Variants in EYS observed in about 807,000 individuals in gnomAD.
EYS encodes EGF-like photoreceptor maintenance factor, also known as protein eyes shut homolog.
EYS carries 250 observed loss-of-function variants against 282.1 expected under a neutral mutation model. That is an observed-to-expected ratio of 0.89 (90% CI 0.80 to 0.98). EYS has a LOEUF of 0.98. Among genes scored for constraint, EYS ranks in the 50% least tolerant of loss-of-function variants. The pLI is 0.00. For missense variants in EYS, 4,016 were observed against 3,709.0 expected, an observed-to-expected ratio of 1.08 and a Z score of -2.15; for synonymous variants, 1,355 against 1,282.9, an observed-to-expected ratio of 1.06 and a Z score of -1.20.
chr6:65,206,488 C>G (rs2150249196), intron 12 of EYS, among the ~76,000 whole-genome samples: 1 of 151,696 alleles, frequency 6.6e-6, no homozygotes, highest in East Asian at 1.9e-4. Context: ...CTTACTGCAA[C>G]TATTCCAAAA....
chr6:63,788,106 T>C lies in EYS; in HGVS notation c.7722A>G (p.Gln2574=), dbSNP rs1340442808. 1.3e-6 allele frequency: 2 copies of C among 1,533,988 alleles called. No homozygotes were observed. The highest frequency in any genetic ancestry group is 2.5e-5 in the East Asian group (1 of 40,638). Reference sequence around the variant, plus strand: ...ATATAAAAAATGTCCATGCCTTACCTTGAAAACCATTTTTAAAATCTGCTC... The same window carrying C: ...ATATAAAAAATGTCCATGCCTTACCCTGAAAACCATTTTTAAAATCTGCTC... The part of the protein sequence containing the change: ...PNGADFKNGF[Q]GCIFTLQVRT... The change falls in exon 39 of 43, where the codon CAA becomes CAG. Residue 2574 remains glutamine (Q), a splice_region_variant and synonymous_variant. Coordinates refer to ENST00000503581, the MANE Select transcript of EYS (RefSeq NM_001142800.2).
At position 65,523,095 on chromosome 6, in the gene EYS, T is replaced by C. The variant is rs151321865; in HGVS notation, c.-332-27102A>G. On this transcript the variant is annotated intron_variant, in intron 2 of 42. Coordinates refer to ENST00000503581, the MANE Select transcript of EYS (RefSeq NM_001142800.2). The stretch of plus-strand genomic sequence containing the variant: ...TAAAAAAACACTTGTTGTCATGACA[T>C]GCAAACCCCAAGAGCAGGCCTGTTA... Among the ~76,000 whole-genome samples, 95 of 152,290 alleles carry C rather than the reference T, an allele frequency of 6.2e-4. 1 individual carries two copies. In the South Asian group the frequency reaches 0.015, roughly 24 times the overall value.
At chr6:64,448,041 G>A (rs781235676) in intron 26 of EYS, among the ~76,000 whole-genome samples, 1 of 152,232 alleles carries the variant, frequency 6.6e-6, no homozygotes, top group Non-Finnish European at 1.5e-5. Flanking sequence ...CCGTGCGTGA[G>A]CCTAAGCAGG....
chr6:64,250,887 C>A (rs1167066374), intron 30 of EYS, among the ~76,000 whole-genome samples: 1 of 151,938 alleles, frequency 6.6e-6, no homozygotes, highest in African/African-American at 2.4e-5. Context: ...TTATGCAAAT[C>A]CTGGAATAAA....
At chr6:64,154,133 C>T (rs1470386521) in intron 31 of EYS, among the ~76,000 whole-genome samples, 1 of 151,904 alleles carries the variant, frequency 6.6e-6, no homozygotes, top group Non-Finnish European at 1.5e-5. Context: ...TGGGTACCTC[C>T]AGGAAAGAGG....
At chr6:64,429,438 C>A (rs972495148) in intron 28 of EYS, among the ~76,000 whole-genome samples, 8 of 152,070 alleles carry the variant, frequency 5.3e-5, no homozygotes. Context: ...CGAGACCAGG[C>A]TGGCCAACAT....
chr6:63,841,966 T>A (rs1216771114), intron 36 of EYS, among the ~76,000 whole-genome samples: 1 of 152,212 alleles, frequency 6.6e-6, no homozygotes, highest in Non-Finnish European at 1.5e-5. Context: ...CTGCATAGTA[T>A]TCCATGTATA....
chr6:64,827,309 T>G (rs1374095797), intron 19 of EYS, among the ~76,000 whole-genome samples: 1 of 151,886 alleles, frequency 6.6e-6, no homozygotes, highest in African/African-American at 2.4e-5. Context: ...ATATTCCTTT[T>G]GATATCTCCC....
Position 65,405,163 on chromosome 6 carries a change from T to C in EYS, c.1056+11A>G, listed in dbSNP as rs201004766. ...TAAAACCACTCACTTATATGTTAGA[T>C]TGAGACTTACATTTGATATTTTGAT... On this transcript the variant is annotated intron_variant, in intron 6 of 42. Transcript: ENST00000503581. 738 of 1,600,452 alleles carry C rather than the reference T, an allele frequency of 4.6e-4. No homozygotes were observed. The highest frequency in any genetic ancestry group is 5.5e-4 in the Non-Finnish European group (645 of 1,168,100).
chr6:64,295,511 A>AAGAAAG lies in EYS; in HGVS notation c.6191+11458_6191+11459insCTTTCT, dbSNP rs1316099456. Among the ~76,000 whole-genome samples, 18 of 28,776 alleles carry AAGAAAG rather than the reference A, an allele frequency of 6.3e-4. 5 individuals carry two copies. Among genetic ancestry groups the AAGAAAG allele is most frequent in the African/African-American group, 4.7e-3 (16 of 3,438 alleles). 18.9% of individuals were successfully genotyped at this position (28,776 alleles called of 152,430 possible). ...AGAAGAAGAAGAAAGAAGAAAGAAG[A>AAGAAAG]AAGAAGAAAGAAGAAAGAAGAAGAA... is the stretch of plus-strand genomic sequence containing the variant. On this transcript the variant is annotated intron_variant, in intron 30 of 42. Coordinates refer to ENST00000503581, the MANE Select transcript of EYS (RefSeq NM_001142800.2).
intron 29 of EYS, among the ~76,000 whole-genome samples, chr6:64,365,498 C>T (rs764091125): frequency 6.6e-5 from 10 of 151,880 alleles, no homozygotes; most frequent in Non-Finnish European, 1.2e-4. Flanking sequence ...AGTAAGACAA[C>T]GTATAAGAGC....
intron 18 of EYS, among the ~76,000 whole-genome samples, chr6:64,894,876 GT>G (rs1028728196): frequency 1.3e-5 from 2 of 150,624 alleles, no homozygotes; most frequent in East Asian, 1.9e-4. Context: ...CTTTGATTTT[GT>G]TTTTTTTTAC....
intron 33 of EYS, among the ~76,000 whole-genome samples, chr6:64,026,044 G>C (rs1360128077): frequency 6.6e-6 from 1 of 152,156 alleles, no homozygotes; most frequent in Non-Finnish European, 1.5e-5. Context: ...AACCTTCCTT[G>C]GTCCTCCATG....
rs12523868 is a variant in EYS, at chr6:65,313,594, A to C, written c.1767-17475T>G. On this transcript the variant is annotated intron_variant, in intron 11 of 42. Coordinates refer to ENST00000503581, the MANE Select transcript of EYS (RefSeq NM_001142800.2). ...CATTTCTGACTCCTCTGTTATTCTC[A>C]CGTTAGCTGTTCAAACTACCTAAAT... Among the ~76,000 whole-genome samples, 200 of 150,592 alleles carry C rather than the reference A, an allele frequency of 1.3e-3. 1 individual carries two copies. In the East Asian group the frequency reaches 0.018, roughly 14 times the overall value.
intron 41 of EYS, among the ~76,000 whole-genome samples, chr6:63,756,057 T>A (rs373813424): frequency 6.6e-6 from 1 of 152,154 alleles, no homozygotes; most frequent in Non-Finnish European, 1.5e-5. Flanking sequence ...TCTAAATATA[T>A]AATCATGTCA....
intron 31 of EYS, among the ~76,000 whole-genome samples, chr6:64,104,732 C>G (rs1772947848): frequency 6.9e-6 from 1 of 145,084 alleles, no homozygotes; most frequent in Non-Finnish European, 1.5e-5. Flanking sequence ...CTTATAATAT[C>G]TCTCTTCTGG....
At chr6:65,324,204 T>C (rs1392263876) in intron 11 of EYS, among the ~76,000 whole-genome samples, 12 of 152,080 alleles carry the variant, frequency 7.9e-5, no homozygotes, top group African/African-American at 2.7e-4. Context: ...CCCGTGGTAT[T>C]TGTTACCACC....
At chr6:65,606,818 T>TA (rs1765812396) in intron 2 of EYS, among the ~76,000 whole-genome samples, 1 of 151,620 alleles carries the variant, frequency 6.6e-6, no homozygotes. Flanking sequence ...CAGATATAAG[T>TA]AAAAAAGAGA....
chr6:65,332,299 T>C, intron 11 of EYS: 1 of 709,488 alleles, frequency 1.4e-6, no homozygotes, highest in Non-Finnish European at 2.6e-6. Flanking sequence ...ATTACATTAA[T>C]TGATTTTAAG....
Sources: gnomAD v4.1 joint callset for allele counts (sites outside exome capture counted in the v4.1 genomes callset) on GRCh38, gnomAD v4.1.1 for gene constraint, MANE v1.5 for transcripts, NCBI Gene and HGNC (gene_info 2026-07-23, HGNC 2026-07-21) for gene names.